The following BRMS1L variants were observed in gnomAD, a reference collection of about 807,000 sequenced individuals.
BRMS1L encodes the protein breast cancer metastasis-suppressor 1-like protein.
BRMS1L carries 23 observed loss-of-function variants against 50.3 expected under a neutral mutation model. The observed-to-expected ratio is 0.46, with a 90% CI of 0.33 to 0.65. The LOEUF (loss-of-function observed/expected upper bound fraction) is 0.65. Ranked by LOEUF, BRMS1L falls within the 30% of genes least tolerant of loss-of-function variation. The probability of loss-of-function intolerance (pLI) is 0.02; values close to 1 mark genes in which losing one functional copy is unlikely to be tolerated. For synonymous variants in BRMS1L, 114 were observed against 126.9 expected (o/e 0.90, Z 0.69); for missense variants, 286 against 386.1 (o/e 0.74, Z 2.17).
At chr14:35,829,085 G>A (rs1489317955) in intron 1 of BRMS1L, among the ~76,000 whole-genome samples, 1 of 151,986 alleles carries the variant, frequency 6.6e-6, no homozygotes, top group African/African-American at 2.4e-5. Flanking sequence ...GGGATTACAG[G>A]CATCCTCCAA....
At chr14:35,840,293 C>T (rs1483653384) in intron 4 of BRMS1L, among the ~76,000 whole-genome samples, 1 of 152,072 alleles carries the variant, frequency 6.6e-6, no homozygotes, top group Non-Finnish European at 1.5e-5. Context: ...TGAGGATTTT[C>T]ATATCGATGT....
intron 1 of BRMS1L, among the ~76,000 whole-genome samples, chr14:35,827,200 C>A (rs1011008112): frequency 6.6e-6 from 1 of 152,208 alleles, no homozygotes; most frequent in African/African-American, 2.4e-5. Context: ...AAGGGACCAA[C>A]ATTCGGGCTC....
intron 4 of BRMS1L, among the ~76,000 whole-genome samples, chr14:35,853,202 G>A (rs889343942): frequency 2.6e-5 from 4 of 152,012 alleles, no homozygotes; most frequent in East Asian, 1.9e-4. Context: ...TTTATTTGGC[G>A]TGGCATTTGT....
In BRMS1L at chr14:35,853,006, CTATCTATCTATA is replaced by C. The variant is rs959479111; in HGVS notation, c.442-9580_442-9569del. 6.8e-4 allele frequency among the ~76,000 whole-genome samples: 102 copies of C among 150,578 alleles called. No individual in the cohort carries two copies. The Middle Eastern group carries it at 0.01, about 15-fold the overall frequency. On this transcript the variant is annotated intron_variant, in intron 4 of 9. Coordinates refer to ENST00000216807, the MANE Select transcript of BRMS1L (RefSeq NM_032352.4). ...TTTATATCTGTATCTATCTATCTAT[CTATCTATCTATA>C]TATAGAGAGAGAGACTTATCATACT...
chr14:35,863,030 A>C (rs1487029185), intron 5 of BRMS1L, among the ~76,000 whole-genome samples: 1 of 152,094 alleles, frequency 6.6e-6, no homozygotes, highest in African/African-American at 2.4e-5. Context: ...CTTTGATCCC[A>C]GGAGTTCGAG....
chr14:35,870,497 T>C lies in BRMS1L; in HGVS notation c.*20T>C, dbSNP rs2078477762. On this transcript the variant is annotated 3_prime_UTR_variant, in exon 10 of 10. Transcript: ENST00000216807. ...TCATAATCATGATTTAAGTGTTATC[T>C]AAATTTACCTTATTAGTGTTACCAA... is the stretch of plus-strand genomic sequence containing the variant. 1 of 1,459,350 alleles carries C rather than the reference T, an allele frequency of 6.9e-7. No individual in the cohort carries two copies. Among genetic ancestry groups the C allele is most frequent in the Non-Finnish European group, 9.5e-7 (1 of 1,049,510 alleles). 90.4% of individuals were successfully genotyped at this position (1,459,350 alleles called of 1,614,324 possible). A position where few individuals can be genotyped will look rare whatever the true frequency, so the allele number is the denominator to read the frequency against.
intron 4 of BRMS1L, among the ~76,000 whole-genome samples, chr14:35,852,793 C>T (rs754030544): frequency 7.9e-5 from 12 of 151,928 alleles, no homozygotes; most frequent in African/African-American, 1.5e-4. Context: ...CAGCCGGGCG[C>T]GGTGGCGGGC....
chr14:35,835,112 G>A (rs2077974432), intron 4 of BRMS1L, among the ~76,000 whole-genome samples, 189 bp downstream of exon 4: 2 of 151,554 alleles, frequency 1.3e-5, no homozygotes, highest in East Asian at 3.9e-4. Context: ...CACAAAGAAA[G>A]GACCATAGAA....
chr14:35,828,127 T>A (rs528917321), intron 1 of BRMS1L, among the ~76,000 whole-genome samples: 1 of 151,758 alleles, frequency 6.6e-6, no homozygotes, highest in African/African-American at 2.4e-5. Flanking sequence ...GTGAAAGATT[T>A]GAGATGAAGG....
chr14:35,829,843 A>T (rs1409601521), intron 1 of BRMS1L: 1 of 1,258,070 alleles, frequency 7.9e-7, no homozygotes, highest in Non-Finnish European at 1.0e-6. Flanking sequence ...TTTGTGCTTC[A>T]GTTATTTTGA....
At position 35,862,694 on chromosome 14, in the gene BRMS1L, G is replaced by T; in HGVS notation, c.538+8G>T. ...GCATTGATATTACCTCAGGTAAGGA[G>T]AATGATATGATTGTGATGTTTGAGT... On this transcript the variant is annotated splice_region_variant and intron_variant, in intron 5 of 9. Transcript: ENST00000216807. The T allele has an allele frequency of 6.3e-7, 1 of 1,594,886 alleles. No individual in the cohort carries two copies. The highest frequency in any genetic ancestry group is 1.1e-5 in the South Asian group (1 of 88,978).
At chr14:35,866,557 T>G (rs890835645) in intron 8 of BRMS1L, among the ~76,000 whole-genome samples, 6 of 152,078 alleles carry the variant, frequency 3.9e-5, no homozygotes, top group African/African-American at 1.4e-4. Context: ...ATACAAAAAT[T>G]AGCCAGGCTT....
chr14:35,843,641 C>T (rs913321873), intron 4 of BRMS1L, among the ~76,000 whole-genome samples: 1 of 152,212 alleles, frequency 6.6e-6, no homozygotes, highest in Admixed American at 6.5e-5. Context: ...AGGTGTCTCC[C>T]AGTCTGGAGG....
chr14:35,834,121 T>G (rs1339645813), intron 3 of BRMS1L, among the ~76,000 whole-genome samples: 1 of 152,194 alleles, frequency 6.6e-6, no homozygotes, highest in African/African-American at 2.4e-5. Flanking sequence ...GTTCCAGATA[T>G]CTGTCTCTTG....
At chr14:35,843,427 ACAGT>A (rs1285153351) in intron 4 of BRMS1L, among the ~76,000 whole-genome samples, 1 of 151,930 alleles carries the variant, frequency 6.6e-6, no homozygotes, top group Non-Finnish European at 1.5e-5. Flanking sequence ...TTCCTTGTTA[ACAGT>A]CAGGCCCCTC....
intron 4 of BRMS1L, among the ~76,000 whole-genome samples, chr14:35,836,380 C>T (rs2077993598): frequency 6.6e-6 from 1 of 152,172 alleles, no homozygotes; most frequent in South Asian, 2.1e-4. Flanking sequence ...CACTCTGTCA[C>T]CCAGGCTGGA....
At chr14:35,862,476 G>T in intron 4 of BRMS1L, 114 bp from the exon 5 acceptor site, 1 of 454,180 alleles carries the variant, frequency 2.2e-6, no homozygotes, top group Non-Finnish European at 3.7e-6. Context: ...TAATTGAATT[G>T]AAAAAGCAAA....
At chr14:35,848,792 T>A (rs1317680999) in intron 4 of BRMS1L, among the ~76,000 whole-genome samples, 1 of 152,210 alleles carries the variant, frequency 6.6e-6, no homozygotes, top group Non-Finnish European at 1.5e-5. Flanking sequence ...GATTTCCTTC[T>A]GTTTTAAGGC....
chr14:35,837,624 C>G (rs1020718410), intron 4 of BRMS1L, among the ~76,000 whole-genome samples: 1 of 152,052 alleles, frequency 6.6e-6, no homozygotes, highest in Non-Finnish European at 1.5e-5. Context: ...GATCCTGGCT[C>G]ACTGCATCCT....
Sources: allele counts gnomAD v4.1 joint callset (sites outside exome capture counted in the v4.1 genomes callset), GRCh38; gene constraint gnomAD v4.1.1; transcripts MANE v1.5; gene names NCBI Gene and HGNC (gene_info 2026-07-23, HGNC 2026-07-21).